Variants in ZP4 observed in about 807,000 individuals in gnomAD.
ZP4 encodes the protein zona pellucida sperm-binding protein 4.
Under a neutral mutation model 62.3 loss-of-function variants are expected in ZP4, and 62 were observed. The observed-to-expected ratio is 0.99, with a 90% CI of 0.81 to 1.23. ZP4 has a LOEUF of 1.23. Among genes scored for constraint, ZP4 ranks in the 50% most tolerant of loss-of-function variants. The pLI, the probability that ZP4 is intolerant of heterozygous loss-of-function variation, is 0.00. For synonymous variants in ZP4, 289 were observed against 247.3 expected, an observed-to-expected ratio of 1.17 and a Z score of -1.58; for missense variants, 774 against 656.0, an observed-to-expected ratio of 1.18 and a Z score of -1.97.
At chr1:237,886,679 T>C in intron 6 of ZP4, 92 bp downstream of exon 6, 1 of 1,049,394 alleles carries the variant, frequency 9.5e-7, no homozygotes, top group South Asian at 1.4e-5. Context: ...GGTTTTCTCC[T>C]ATTGCTGAGG....
At chr1:237,889,344 G>C (rs1212440623) in intron 3 of ZP4, among the ~76,000 whole-genome samples, 1 of 146,680 alleles carries the variant, frequency 6.8e-6, no homozygotes, top group Non-Finnish European at 1.5e-5. Context: ...TTGAGACAGG[G>C]TTTCGCTCTT....
intron 7 of ZP4, 84 bp downstream of exon 7, chr1:237,885,672 G>GTCTTGT: frequency 6.3e-7 from 1 of 1,593,578 alleles, no homozygotes; most frequent in Non-Finnish European, 8.5e-7. Context: ...CCCCTTAAGT[G>GTCTTGT]TCTTGTTACT....
intron 5 of ZP4, 62 bp from the exon 6 acceptor site, chr1:237,886,930 T>G (rs1265639757): frequency 3.4e-6 from 5 of 1,458,902 alleles, no homozygotes; most frequent in Middle Eastern, 1.7e-4. Flanking sequence ...TTGACTTGCA[T>G]CTGGTCTAAG....
In ZP4 at chr1:237,886,801, C is replaced by A. The variant is rs186053005; in HGVS notation, c.809G>T (p.Arg270Leu). 1 of 1,614,068 alleles carries A rather than the reference C, an allele frequency of 6.2e-7. No individual in the cohort carries two copies. Among genetic ancestry groups the A allele is most frequent in the Non-Finnish European group, 8.5e-7 (1 of 1,179,986 alleles). The change falls in exon 6 of 12, where the codon CGT becomes CTT. Residue 270 changes from arginine (R) to leucine (L), a missense_variant. Physicochemically the swap from Arg to Leu is moderately radical, Grantham distance 102. Transcript: ENST00000366570. ...VATRDVKNGS[R>L]GSVTRDSIFR... ...GATGCTGTCACGAGTGACAGAGCCACGGCTCCCATTTTTCACATCCCTAGT... is the reference window on the plus strand; with the variant it reads ...GATGCTGTCACGAGTGACAGAGCCAAGGCTCCCATTTTTCACATCCCTAGT...
rs151244337 is a variant in ZP4, at chr1:237,887,443, G to A, written c.672C>T (p.Asn224=). The change falls in exon 5 of 12, where the codon AAC becomes AAT. Residue 224 remains asparagine, a synonymous_variant. Transcript: ENST00000366570. ...RLALRNDSAC[N]PVMATQAFVL... The stretch of plus-strand genomic sequence containing the variant: ...CAAAAGCTTGTGTTGCCATCACAGG[G>A]TTACACGCACTGTCATTCCTAAGGG... 2.2e-4 allele frequency: 348 copies of A among 1,614,156 alleles called. No homozygotes were observed. In the African/African-American group the frequency reaches 4.1e-3, roughly 19 times the overall value.
intron 3 of ZP4, among the ~76,000 whole-genome samples, chr1:237,889,598 C>T (rs1404550571): frequency 2.6e-5 from 4 of 152,094 alleles, no homozygotes; most frequent in African/African-American, 9.7e-5. Flanking sequence ...CAGGTGTGAG[C>T]CACTGTGCCT....
In ZP4 at chr1:237,890,460, C is replaced by T. The variant is rs866786694; in HGVS notation, c.175+1G>A. 2 of 1,607,022 alleles carry T rather than the reference C, an allele frequency of 1.2e-6. No homozygotes were observed. Among genetic ancestry groups the T allele is most frequent in the Non-Finnish European group, 1.7e-6 (2 of 1,177,220 alleles). ...TAAGCAAGGCAAGTCATCAAACTTA[C>T]CCCAAGCTATTAGTACAGGAGGAGA... On this transcript the variant is annotated splice_donor_variant, in intron 1 of 11. Coordinates refer to ENST00000366570, the MANE Select transcript of ZP4 (RefSeq NM_021186.5). LOFTEE classifies it high-confidence loss of function.
At position 237,889,893 on chromosome 1, in the gene ZP4, A is replaced by T. The variant is rs775087615; in HGVS notation, c.374T>A (p.Leu125Gln). 6 of 1,613,166 alleles carry T rather than the reference A, an allele frequency of 3.7e-6. No homozygotes were observed. In the African/African-American group the frequency reaches 8.0e-5, roughly 22 times the overall value. ...AEHKVVTERK[L>Q]LKCPMDLLAR... ...TAGAAGATCCATAGGACACTTGAGC[A>T]GCTTCCTCTCTGTAACCACCTTGTG... The change falls in exon 3 of 12, where the codon CTG becomes CAG. Residue 125 changes from leucine to glutamine, a missense_variant. By Grantham distance (113) the Leu-to-Gln change is moderately radical. Transcript: ENST00000366570.
In ZP4 at chr1:237,883,965, CAAACACACACACACACAA is replaced by C. The variant is rs1219369748; in HGVS notation, c.1390+786_1390+803del. Among the ~76,000 whole-genome samples, 324 of 77,552 alleles carry C rather than the reference CAAACACACACACACACAA, an allele frequency of 4.2e-3. 9 individuals are homozygous for C. Among genetic ancestry groups the C allele is most frequent in the African/African-American group, 0.018 (281 of 15,786 alleles). 50.9% of individuals were successfully genotyped at this position (77,552 alleles called of 152,430 possible). On this transcript the variant is annotated intron_variant, in intron 10 of 11. Transcript: ENST00000366570. ...ACAGAGCAAGAACTGGTCACACACACAAACACACACACACACAAACACACACACACACACACACACACA... is the reference window on the plus strand; with the variant it reads ...ACAGAGCAAGAACTGGTCACACACACACACACACACACACACACACACACA...
rs1245296265 is a variant in ZP4 at position 237,890,767 on chromosome 1, G to C, written c.-132C>G. 11 of 1,017,382 alleles carry C rather than the reference G, an allele frequency of 1.1e-5. No individual in the cohort carries two copies. The highest frequency in any genetic ancestry group is 1.5e-5 in the Non-Finnish European group (11 of 712,900). 63.0% of individuals were successfully genotyped at this position (1,017,382 alleles called of 1,614,324 possible). On this transcript the variant is annotated 5_prime_UTR_variant, in exon 1 of 12. Transcript: ENST00000366570. ...CAGCTGCACATCTTTGTGACACTCAGGTGGGATGCCTTCAGAAAGGGGAAT... is the reference window on the plus strand; with the variant it reads ...CAGCTGCACATCTTTGTGACACTCACGTGGGATGCCTTCAGAAAGGGGAAT...
At chr1:237,883,152 A>G (rs531668856) in intron 10 of ZP4, among the ~76,000 whole-genome samples, 17 of 152,344 alleles carry the variant, frequency 1.1e-4, no homozygotes, top group African/African-American at 4.1e-4. Flanking sequence ...ATTCAAAGGT[A>G]ACTATTAGAA....
Position 237,882,849 on chromosome 1 carries a change from G to C in ZP4, c.1391-3C>G. 6.2e-7 allele frequency: 1 copy of C among 1,612,410 alleles called. No homozygotes were observed. The highest frequency in any genetic ancestry group is 2.2e-5 in the East Asian group (1 of 44,856). ...ACTGTTGTCAAAATTTCTTCTTCCT[G>C]TTAGAGAAATGAGACCTAGTAATTC... On this transcript the variant is annotated splice_region_variant and splice_polypyrimidine_tract_variant and intron_variant, in intron 10 of 11. Coordinates refer to ENST00000366570, the MANE Select transcript of ZP4 (RefSeq NM_021186.5).
In ZP4 at chr1:237,890,187, G is replaced by A. The variant is rs369788459; in HGVS notation, c.176-11C>T. Reference sequence around the variant, plus strand: ...GCAGCCCTTGGTTGTCTGGAGGGGTGGGGAAGAGGTGAGAAAACACAGCGG... The same window carrying A: ...GCAGCCCTTGGTTGTCTGGAGGGGTAGGGAAGAGGTGAGAAAACACAGCGG... On this transcript the variant is annotated splice_polypyrimidine_tract_variant and intron_variant, in intron 1 of 11. Coordinates refer to ENST00000366570, the MANE Select transcript of ZP4 (RefSeq NM_021186.5). The A allele has an allele frequency of 2.5e-5, 40 of 1,613,516 alleles. No homozygotes were observed. Among genetic ancestry groups the A allele is most frequent in the Non-Finnish European group, 3.3e-5 (39 of 1,180,004 alleles).
intron 10 of ZP4, among the ~76,000 whole-genome samples, chr1:237,884,039 C>A (rs1342684523): frequency 1.7e-4 from 20 of 118,494 alleles, no homozygotes; most frequent in Admixed American, 1.5e-3. Flanking sequence ...CACAAACACA[C>A]ACAAACACAC....
intron 7 of ZP4, 59 bp from the exon 8 acceptor site, chr1:237,885,639 T>TCA (rs1000056763): frequency 3.5e-5 from 56 of 1,596,822 alleles, no homozygotes; most frequent in Non-Finnish European, 5.1e-6. Flanking sequence ...TGAGGGACTG[T>TCA]CACCCCTTTA....
At chr1:237,888,562 G>A (rs781594157) in intron 3 of ZP4, 52 bp from the exon 4 acceptor site, 29 of 1,526,172 alleles carry the variant, frequency 1.9e-5, no homozygotes, top group Non-Finnish European at 2.5e-5. Context: ...AGTTAGTCTT[G>A]AATACCATTT....
At position 237,884,039 on chromosome 1, in the gene ZP4, CACAA is replaced by C. The variant is rs1255190367; in HGVS notation, c.1390+726_1390+729del. Among the ~76,000 whole-genome samples the C allele has an allele frequency of 2.1e-3, 246 of 118,478 alleles. 7 individuals are homozygous for C. Among genetic ancestry groups the C allele is most frequent in the African/African-American group, 6.8e-3 (152 of 22,376 alleles). The allele number at this position is 118,478 out of a possible 152,430, so 77.7% of individuals were successfully genotyped here. A position where few individuals can be genotyped will look rare whatever the true frequency, so the allele number is the denominator to read the frequency against. On this transcript the variant is annotated intron_variant, in intron 10 of 11. Coordinates refer to ENST00000366570, the MANE Select transcript of ZP4 (RefSeq NM_021186.5). ...ACAAACACACACACACACAAACACA[CACAA>C]ACACACACAAACACACACAAACACA...
chr1:237,887,880 G>A (rs569636202), intron 4 of ZP4, among the ~76,000 whole-genome samples: 64 of 108,450 alleles, frequency 5.9e-4, no homozygotes, highest in Middle Eastern at 7.8e-3. Context: ...TTGGAATAGC[G>A]TGTGCGATTA....
chr1:237,890,362 A>C, intron 1 of ZP4, 99 bp downstream of exon 1: 1 of 1,500,154 alleles, frequency 6.7e-7, no homozygotes, highest in Non-Finnish European at 9.1e-7. Flanking sequence ...AACAGGGCTC[A>C]GAAGGTGAAA....
Sources: allele counts gnomAD v4.1 joint callset (sites outside exome capture counted in the v4.1 genomes callset), GRCh38; gene constraint gnomAD v4.1.1; transcripts MANE v1.5; gene names NCBI Gene and HGNC (gene_info 2026-07-23, HGNC 2026-07-21).